Variants in AKT3 observed in about 807,000 individuals in gnomAD.
AKT3 encodes the protein AKT serine/threonine kinase 3, also known as RAC-gamma serine/threonine-protein kinase.
AKT3 carries 15 observed loss-of-function variants against 65.3 expected under a neutral mutation model. The observed-to-expected ratio is 0.23, with a 90% confidence interval of 0.15 to 0.35. The LOEUF (loss-of-function observed/expected upper bound fraction) is 0.35. Among genes scored for constraint, AKT3 ranks in the 10% least tolerant of loss-of-function variants. The probability of loss-of-function intolerance (pLI) is 1.00; values close to 1 mark genes in which losing one functional copy is unlikely to be tolerated. For synonymous variants in AKT3, 206 were observed against 183.8 expected, an observed-to-expected ratio of 1.12 and a Z score of -0.98; for missense variants, 243 against 576.5, an observed-to-expected ratio of 0.42 and a Z score of 5.92.
At chr1:243,522,105 G>T (rs79968007) in intron 12 of AKT3, among the ~76,000 whole-genome samples, 1 of 152,152 alleles carries the variant, frequency 6.6e-6, no homozygotes, top group Non-Finnish European at 1.5e-5. Context: ...AAAAGATTTT[G>T]CACCTAGTAG....
chr1:243,831,875 C>T (rs1694538154), intron 2 of AKT3, among the ~76,000 whole-genome samples: 2 of 151,134 alleles, frequency 1.3e-5, no homozygotes, highest in African/African-American at 4.9e-5. Flanking sequence ...AAGAAAGAAA[C>T]AAAATCTGAA....
At chr1:243,589,745 A>T (rs1676093188) in intron 8 of AKT3, among the ~76,000 whole-genome samples, 1 of 152,210 alleles carries the variant, frequency 6.6e-6, no homozygotes, top group South Asian at 2.1e-4. Context: ...ACTCCCACAT[A>T]CACTGTAGCA....
intron 12 of AKT3, among the ~76,000 whole-genome samples, chr1:243,515,272 T>C (rs538321237): frequency 1.3e-3 from 199 of 152,160 alleles, no homozygotes; most frequent in Admixed American, 3.3e-3. Flanking sequence ...CGTCTTTGTG[T>C]AGACATATGA....
chr1:243,594,444 C>G (rs1366952486), intron 8 of AKT3, among the ~76,000 whole-genome samples: 1 of 152,098 alleles, frequency 6.6e-6, no homozygotes, highest in Non-Finnish European at 1.5e-5. Context: ...GAAAAAAGAA[C>G]AAAGTTTTTC....
intron 2 of AKT3, among the ~76,000 whole-genome samples, chr1:243,765,795 G>A (rs891700273): frequency 1.3e-5 from 2 of 152,034 alleles, no homozygotes; most frequent in African/African-American, 4.8e-5. Flanking sequence ...TCCTCAGGCC[G>A]AAGTAAACGT....
intron 2 of AKT3, among the ~76,000 whole-genome samples, chr1:243,712,255 C>T (rs1265537780): frequency 6.6e-6 from 1 of 152,136 alleles, no homozygotes; most frequent in Admixed American, 6.5e-5. Context: ...TTTTCTATGC[C>T]TTTTCAGCAA....
intron 2 of AKT3, among the ~76,000 whole-genome samples, chr1:243,756,660 CTT>C (rs1468858291): frequency 6.6e-6 from 1 of 152,196 alleles, no homozygotes; most frequent in East Asian, 1.9e-4. Context: ...AAAGTCACCA[CTT>C]GACATTCATC....
At chr1:243,618,281 G>C (rs1281933256) in intron 6 of AKT3, among the ~76,000 whole-genome samples, 2 of 152,072 alleles carry the variant, frequency 1.3e-5, no homozygotes, top group African/African-American at 4.8e-5. Flanking sequence ...TGAACACCAT[G>C]TACATACCAA....
intron 2 of AKT3, among the ~76,000 whole-genome samples, chr1:243,713,354 C>T (rs373714905): frequency 2.3e-4 from 35 of 152,124 alleles, no homozygotes; most frequent in African/African-American, 5.1e-4. Flanking sequence ...GTATTAAACC[C>T]CTAAACTAAT....
intron 13 of AKT3, among the ~76,000 whole-genome samples, chr1:243,493,221 G>A (rs1314296279): frequency 6.7e-6 from 1 of 149,418 alleles, no homozygotes; most frequent in Non-Finnish European, 1.5e-5. Flanking sequence ...AAACCTTGGT[G>A]GTGGGGGTGG....
chr1:243,737,363 GGGTGTA>G (rs1317542790), intron 2 of AKT3, among the ~76,000 whole-genome samples: 1 of 152,140 alleles, frequency 6.6e-6, no homozygotes, highest in African/African-American at 2.4e-5. Context: ...AGTAAGGCAT[GGGTGTA>G]ATTGTTATTC....
At chr1:243,519,562 T>C (rs1271729970) in intron 12 of AKT3, among the ~76,000 whole-genome samples, 1 of 152,148 alleles carries the variant, frequency 6.6e-6, no homozygotes, top group Admixed American at 6.6e-5. Flanking sequence ...AGGAGAATGA[T>C]AACACCTGAT....
chr1:243,722,425 A>G (rs1279720693), intron 2 of AKT3, among the ~76,000 whole-genome samples: 2 of 152,222 alleles, frequency 1.3e-5, no homozygotes, highest in African/African-American at 4.8e-5. Flanking sequence ...GAGTACATGC[A>G]TATGAATAAA....
chr1:243,590,853 G>A (rs1333997007), intron 8 of AKT3, among the ~76,000 whole-genome samples: 19 of 152,132 alleles, frequency 1.2e-4, no homozygotes, highest in Admixed American at 9.8e-4. Flanking sequence ...AAGAATGGCT[G>A]AAATTTTCTA....
chr1:243,605,190 T>C (rs1308573857), intron 8 of AKT3, among the ~76,000 whole-genome samples: 1 of 151,604 alleles, frequency 6.6e-6, no homozygotes, highest in Non-Finnish European at 1.5e-5. Context: ...TCACCATACA[T>C]GGCTAACTTT....
chr1:243,769,013 T>A (rs1403656906), intron 2 of AKT3, among the ~76,000 whole-genome samples: 1 of 45,592 alleles, frequency 2.2e-5, no homozygotes, highest in African/African-American at 3.3e-5. Flanking sequence ...CATTCCCTCA[T>A]CCCCTCATCT....
chr1:243,651,051 CATTT>C, intron 4 of AKT3, among the ~76,000 whole-genome samples: 1 of 152,188 alleles, frequency 6.6e-6, no homozygotes, highest in African/African-American at 2.4e-5. Flanking sequence ...GTTGTTTTTC[CATTT>C]GTTTGTGTCC....
intron 2 of AKT3, among the ~76,000 whole-genome samples, chr1:243,718,596 G>A (rs992074347): frequency 6.6e-6 from 1 of 151,546 alleles, no homozygotes; most frequent in African/African-American, 2.4e-5. Flanking sequence ...CCTTACAGCT[G>A]GGATTACAGG....
intron 2 of AKT3, among the ~76,000 whole-genome samples, chr1:243,733,556 A>C (rs763348837): frequency 1.3e-5 from 2 of 152,228 alleles, no homozygotes; most frequent in Non-Finnish European, 2.9e-5. Context: ...CAATAAGTAT[A>C]AGCTAACAAT....
Sources: allele counts gnomAD v4.1 joint callset (sites outside exome capture counted in the v4.1 genomes callset), GRCh38; gene constraint gnomAD v4.1.1; transcripts MANE v1.5; gene names NCBI Gene and HGNC (gene_info 2026-07-23, HGNC 2026-07-21).